Variants in STXBP5L observed in about 807,000 individuals in gnomAD.
The protein encoded by STXBP5L is syntaxin binding protein 5L.
STXBP5L carries 65 observed loss-of-function variants against 144.5 expected under a neutral mutation model. The observed-to-expected ratio is 0.45, with a 90% CI of 0.37 to 0.55. The LOEUF is 0.55. Ranked by LOEUF, STXBP5L falls within the 20% of genes least tolerant of loss-of-function variation. The pLI, the probability that STXBP5L is intolerant of heterozygous loss-of-function variation, is 0.00. For synonymous variants in STXBP5L, 505 were observed against 469.6 expected (o/e 1.08, Z -0.97); for missense variants, 1,298 against 1,405.5 (o/e 0.92, Z 1.22).
chr3:121,179,251 A>G (rs1463737239), intron 9 of STXBP5L, among the ~76,000 whole-genome samples: 1 of 152,126 alleles, frequency 6.6e-6, no homozygotes, highest in African/African-American at 2.4e-5. Flanking sequence ...CCCACACACC[A>G]AGAACATAAC....
At chr3:121,138,814 G>A (rs1427928393) in intron 7 of STXBP5L, among the ~76,000 whole-genome samples, 1 of 150,514 alleles carries the variant, frequency 6.6e-6, no homozygotes, top group East Asian at 1.9e-4. Flanking sequence ...GAAGAAAACA[G>A]GGGAAATGCT....
chr3:121,375,368 C>T (rs2046152096), intron 20 of STXBP5L, among the ~76,000 whole-genome samples: 1 of 152,150 alleles, frequency 6.6e-6, no homozygotes, highest in South Asian at 2.1e-4. Context: ...TTAAACCCTA[C>T]TAAATATGTC....
intron 7 of STXBP5L, among the ~76,000 whole-genome samples, chr3:121,141,943 G>A (rs1056877962): frequency 5.3e-5 from 8 of 151,728 alleles, no homozygotes; most frequent in Non-Finnish European, 7.4e-5. Flanking sequence ...CTCCCCAATC[G>A]AAAGATACAA....
At chr3:121,006,454 G>A (rs1028674698) in intron 3 of STXBP5L, among the ~76,000 whole-genome samples, 1 of 152,016 alleles carries the variant, frequency 6.6e-6, no homozygotes, top group Non-Finnish European at 1.5e-5. Flanking sequence ...GTCCCTGCAC[G>A]TGAGATGGGT....
At chr3:120,972,891 G>A (rs950026856) in intron 3 of STXBP5L, among the ~76,000 whole-genome samples, 2 of 152,028 alleles carry the variant, frequency 1.3e-5, no homozygotes, top group Non-Finnish European at 2.9e-5. Context: ...TGCATATGTT[G>A]AATCGTCCTT....
chr3:121,085,120 T>A (rs148787808), intron 5 of STXBP5L, among the ~76,000 whole-genome samples: 5,412 of 152,296 alleles, frequency 0.036, 146 homozygotes, highest in Middle Eastern at 0.082. Context: ...ATATTAGACC[T>A]TTGTCAGATG....
At chr3:120,952,350 G>T (rs1216092201) in intron 2 of STXBP5L, among the ~76,000 whole-genome samples, 1 of 152,002 alleles carries the variant, frequency 6.6e-6, no homozygotes, top group African/African-American at 2.4e-5. Flanking sequence ...AGTTTTAAAA[G>T]AATATTGTGT....
intron 3 of STXBP5L, among the ~76,000 whole-genome samples, chr3:121,013,762 G>A (rs771993226): frequency 1.3e-4 from 20 of 151,816 alleles, no homozygotes; most frequent in Non-Finnish European, 2.4e-4. Flanking sequence ...TTCTAAGATT[G>A]TGTAGTTTGA....
intron 20 of STXBP5L, among the ~76,000 whole-genome samples, chr3:121,345,958 TTTA>T (rs1323940934): frequency 6.6e-5 from 10 of 152,036 alleles, no homozygotes; most frequent in Non-Finnish European, 8.8e-5. Context: ...TTCTTTTTAT[TTTA>T]TTATTATTAT....
intron 5 of STXBP5L, among the ~76,000 whole-genome samples, chr3:121,061,808 T>C (rs1213736846): frequency 6.6e-6 from 1 of 152,222 alleles, no homozygotes; most frequent in Non-Finnish European, 1.5e-5. Flanking sequence ...TTATTTTGCT[T>C]TCCATTTGCT....
At chr3:121,221,357 G>T (rs938004105) in intron 10 of STXBP5L, among the ~76,000 whole-genome samples, 5 of 151,644 alleles carry the variant, frequency 3.3e-5, no homozygotes, top group African/African-American at 1.2e-4. Flanking sequence ...GGGGTAAATT[G>T]CTCCTTATCC....
chr3:121,253,188 A>C (rs2050082360), intron 15 of STXBP5L, among the ~76,000 whole-genome samples: 1 of 151,928 alleles, frequency 6.6e-6, no homozygotes. Flanking sequence ...ACGCAATACA[A>C]TCCTTTGTCT....
rs2044495528 is a variant in STXBP5L, at chr3:121,336,095, T to C, written c.2176+17555T>C. Among the ~76,000 whole-genome samples the C allele has an allele frequency of 1.3e-5, 2 of 152,064 alleles. 1 individual carries two copies. The highest frequency in any genetic ancestry group is 4.1e-4 in the South Asian group (2 of 4,826). ...AAAAGCAAACAACCCCATTAAAATG[T>C]GGTTAAAGGATATGAATAGACACTT... On this transcript the variant is annotated intron_variant, in intron 20 of 26. Transcript: ENST00000471454.
At chr3:120,979,584 A>C (rs1036028886) in intron 3 of STXBP5L, among the ~76,000 whole-genome samples, 2 of 152,082 alleles carry the variant, frequency 1.3e-5, no homozygotes, top group Non-Finnish European at 2.9e-5. Flanking sequence ...GGCACTCCCT[A>C]GTGAGATGAA....
chr3:121,016,514 A>T (rs963784139), intron 3 of STXBP5L, among the ~76,000 whole-genome samples: 7 of 152,178 alleles, frequency 4.6e-5, no homozygotes, highest in African/African-American at 1.7e-4. Flanking sequence ...AGAATGAGTC[A>T]TTGAGTTTGA....
intron 20 of STXBP5L, among the ~76,000 whole-genome samples, chr3:121,355,236 C>G (rs948102971): frequency 6.6e-6 from 1 of 152,110 alleles, no homozygotes; most frequent in African/African-American, 2.4e-5. Context: ...GTTGGCCTGC[C>G]TTGCTAAGTT....
chr3:120,959,253 G>C (rs865845995), intron 3 of STXBP5L, among the ~76,000 whole-genome samples: 1 of 152,130 alleles, frequency 6.6e-6, no homozygotes, highest in Non-Finnish European at 1.5e-5. Flanking sequence ...ACTTAAAGAG[G>C]ATACAAACAA....
At chr3:121,183,092 A>T (rs1275657972) in intron 9 of STXBP5L, among the ~76,000 whole-genome samples, 2 of 152,216 alleles carry the variant, frequency 1.3e-5, no homozygotes, top group Non-Finnish European at 2.9e-5. Context: ...AAAATCCAGC[A>T]TCCCATTAAT....
At chr3:121,102,193 C>G (rs1444777384) in intron 5 of STXBP5L, among the ~76,000 whole-genome samples, 3 of 152,030 alleles carry the variant, frequency 2.0e-5, no homozygotes. Flanking sequence ...TCATTCTTTA[C>G]AGAATTAGAA....
Sources: gnomAD v4.1 joint callset for allele counts (sites outside exome capture counted in the v4.1 genomes callset) on GRCh38, gnomAD v4.1.1 for gene constraint, MANE v1.5 for transcripts, NCBI Gene and HGNC (gene_info 2026-07-23, HGNC 2026-07-21) for gene names.